The following PIK3R4 variants were observed in gnomAD, a reference collection of about 807,000 sequenced individuals.
PIK3R4 encodes the protein phosphoinositide-3-kinase regulatory subunit 4.
A neutral mutation model predicts 136.5 loss-of-function variants in PIK3R4; 46 were observed. That is an observed-to-expected ratio of 0.34 (90% CI 0.27 to 0.43). The LOEUF is 0.43. Ranked by LOEUF, PIK3R4 falls within the 20% of genes least tolerant of loss-of-function variation. PIK3R4 has a pLI of 1.00. For missense variants in PIK3R4, 1,331 were observed against 1,649.5 expected (o/e 0.81, Z 3.35); for synonymous variants, 557 against 566.7 (o/e 0.98, Z 0.24).
intron 16 of PIK3R4, among the ~76,000 whole-genome samples, chr3:130,682,728 T>C (rs1182526364): frequency 6.6e-6 from 1 of 152,180 alleles, no homozygotes; most frequent in Non-Finnish European, 1.5e-5. Flanking sequence ...TCTTTTTTAA[T>C]ACCCCCTACA....
intron 6 of PIK3R4, among the ~76,000 whole-genome samples, chr3:130,727,610 G>C (rs1421975274): frequency 6.6e-6 from 1 of 152,120 alleles, no homozygotes; most frequent in African/African-American, 2.4e-5. Flanking sequence ...TAAACTTTTC[G>C]GGTTAACAGA....
Position 130,735,886 on chromosome 3 carries a change from G to A in PIK3R4, c.850C>T (p.His284Tyr), listed in dbSNP as rs576741357. 10 of 1,611,230 alleles carry A rather than the reference G, an allele frequency of 6.2e-6. No homozygotes were observed. The South Asian group carries it at 1.1e-4, about 18-fold the overall frequency. ...PEQVLNKIED[H>Y]SIRELVTQMI... ...ATAGTTACCAATTCTCTGATACTGTGATCTTCAATTTTATTTAGCACTTGT... is the reference window on the plus strand; with the variant it reads ...ATAGTTACCAATTCTCTGATACTGTAATCTTCAATTTTATTTAGCACTTGT... Residue 284 changes from histidine (H) to tyrosine (Y), a missense_variant, in exon 3 of 20, where the codon CAC becomes TAC. By Grantham distance (83) the His-to-Tyr change is moderately conservative (BLOSUM62 2). Coordinates refer to ENST00000356763, the MANE Select transcript of PIK3R4 (RefSeq NM_014602.3).
intron 19 of PIK3R4, among the ~76,000 whole-genome samples, chr3:130,679,739 T>A: frequency 6.6e-6 from 1 of 152,170 alleles, no homozygotes; most frequent in East Asian, 1.9e-4. Context: ...TCTGTGCATA[T>A]TAACTTTTGC....
At chr3:130,711,527 G>A (rs2066632364) in intron 9 of PIK3R4, among the ~76,000 whole-genome samples, 1 of 152,182 alleles carries the variant, frequency 6.6e-6, no homozygotes, top group Non-Finnish European at 1.5e-5. Context: ...GGCTGAATAT[G>A]AAACTATGTA....
Position 130,730,297 on chromosome 3 carries a change from AAT to A in PIK3R4, c.1585+9_1585+10del. On this transcript the variant is annotated intron_variant, in intron 5 of 19. Coordinates refer to ENST00000356763, the MANE Select transcript of PIK3R4 (RefSeq NM_014602.3). ...AAATAACAGGAAATCTGGAAGAGAA[AAT>A]TATACAACCTGTGTCATAATTTCCA... 6.3e-7 allele frequency: 1 copy of A among 1,578,624 alleles called. No individual in the cohort carries two copies. The highest frequency in any genetic ancestry group is 8.6e-7 in the Non-Finnish European group (1 of 1,165,120).
intron 9 of PIK3R4, among the ~76,000 whole-genome samples, chr3:130,709,604 G>T (rs1304142037): frequency 1.3e-5 from 2 of 152,038 alleles, no homozygotes; most frequent in East Asian, 3.8e-4. Context: ...GCTTTAAATA[G>T]ACAATAGCTA....
intron 14 of PIK3R4, among the ~76,000 whole-genome samples, chr3:130,689,660 C>T (rs1189862202): frequency 6.6e-6 from 1 of 152,220 alleles, no homozygotes; most frequent in African/African-American, 2.4e-5. Flanking sequence ...GGGTCCACCA[C>T]CTCCACCTGG....
intron 13 of PIK3R4, among the ~76,000 whole-genome samples, chr3:130,700,103 T>C (rs1483460049): frequency 6.6e-6 from 1 of 152,220 alleles, no homozygotes; most frequent in Non-Finnish European, 1.5e-5. Flanking sequence ...TTAACTTAAA[T>C]GGTTTCTTCT....
Position 130,733,821 on chromosome 3 carries a change from C to T in PIK3R4, c.1177G>A (p.Asp393Asn), listed in dbSNP as rs34633532. 10 of 1,614,128 alleles carry T rather than the reference C, an allele frequency of 6.2e-6. No homozygotes were observed. The highest frequency in any genetic ancestry group is 8.5e-6 in the Non-Finnish European group (10 of 1,180,000). Residue 393 changes from aspartate to asparagine, a missense_variant, in exon 4 of 20, where the codon GAT becomes AAT. Coordinates refer to ENST00000356763, the MANE Select transcript of PIK3R4 (RefSeq NM_014602.3). ...AGTTCCAAAGCAGCTAGTTTGGAAT[C>T]ACAGTATTTAAGGGTCTGTAGGCAG... ...TSCLQTLKYCDSKLAALELIL... is the reference protein window; with the variant it reads ...TSCLQTLKYCNSKLAALELIL...
chr3:130,707,079 C>G lies in PIK3R4; in HGVS notation c.2590G>C (p.Gly864Arg), dbSNP rs1351460583. Residue 864 changes from glycine to arginine, a missense_variant, in exon 11 of 20, where the codon GGG (glycine) becomes CGG (arginine). Gly to Arg is a moderately radical substitution (Grantham distance 125). Around this residue, in one of 2 missense-constraint regions of PIK3R4, gnomAD observed 1,180 missense variants for 1,407.0 expected, o/e 0.84. Coordinates refer to ENST00000356763, the MANE Select transcript of PIK3R4 (RefSeq NM_014602.3). ...NVNEEWKSMF[G>R]SLDPPNMPQA... ...GGCATGTTTGGTGGGTCCAGTGACC[C>G]AAACATGCTTTTCCATTCTTCATTT... The G allele has an allele frequency of 1.9e-6, 3 of 1,609,930 alleles. No homozygotes were observed. The highest frequency in any genetic ancestry group is 2.5e-6 in the Non-Finnish European group (3 of 1,178,386).
At position 130,718,539 on chromosome 3, in the gene PIK3R4, A is replaced by G. The variant is rs560634105; in HGVS notation, c.1982-5T>C. ...TGGGATGACACAGGAAGGGGGCTAAAGAGGAAAAGAAAAGGTAGGGATCAA... is the reference window on the plus strand; with the variant it reads ...TGGGATGACACAGGAAGGGGGCTAAGGAGGAAAAGAAAAGGTAGGGATCAA... On this transcript the variant is annotated splice_polypyrimidine_tract_variant and splice_region_variant and intron_variant, in intron 7 of 19. Transcript: ENST00000356763. The G allele has an allele frequency of 6.2e-7, 1 of 1,613,804 alleles. No individual in the cohort carries two copies. The highest frequency in any genetic ancestry group is 1.3e-5 in the African/African-American group (1 of 75,036).
Position 130,690,438 on chromosome 3 carries a change from G to GTCT in PIK3R4, c.3263+51_3263+52insAGA, listed in dbSNP as rs1208190742. Reference sequence around the variant, plus strand: ...ATTGCAGGGTAGAAAGGAGACTTAAGGTACTGTAGTGCACTAAATACAATG... The same window carrying GTCT: ...ATTGCAGGGTAGAAAGGAGACTTAAGTCTGTACTGTAGTGCACTAAATACAATG... On this transcript the variant is annotated intron_variant, in intron 14 of 19. Transcript: ENST00000356763. 9 of 1,266,106 alleles carry GTCT rather than the reference G, an allele frequency of 7.1e-6. No individual in the cohort carries two copies. In the Admixed American group the frequency reaches 2.0e-4, roughly 28 times the overall value. The allele number at this position is 1,266,106 out of a possible 1,614,324, so 78.4% of individuals were successfully genotyped here. A position where few individuals can be genotyped will look rare whatever the true frequency, so the allele number is the denominator to read the frequency against.
At position 130,728,616 on chromosome 3, in the gene PIK3R4, C is replaced by G; in HGVS notation, c.1654G>C (p.Val552Leu). The G allele has an allele frequency of 6.5e-7, 1 of 1,549,428 alleles. No individual in the cohort carries two copies. The highest frequency in any genetic ancestry group is 8.7e-7 in the Non-Finnish European group (1 of 1,144,644). ...CCATTTTCCATCAAGGTTTGTTTTA[C>G]AATATTTTCAGGGTCACTTAGCAAA... Reference protein sequence around the residue: ...VTLLSDPENIVKQTLMENGIT... With the variant: ...VTLLSDPENILKQTLMENGIT... Residue 552 changes from valine (V) to leucine (L), a missense_variant, in exon 6 of 20, where the codon GTA becomes CTA. By Grantham distance (32) the Val-to-Leu change is conservative (BLOSUM62 1). Transcript: ENST00000356763.
At chr3:130,686,638 T>C (rs1401368523) in intron 14 of PIK3R4, among the ~76,000 whole-genome samples, 1 of 152,166 alleles carries the variant, frequency 6.6e-6, no homozygotes, top group African/African-American at 2.4e-5. Context: ...AGCTTCCCCT[T>C]AGGTAAACAA....
chr3:130,731,725 T>C (rs1227353671), intron 4 of PIK3R4, among the ~76,000 whole-genome samples: 1 of 152,240 alleles, frequency 6.6e-6, no homozygotes, highest in Non-Finnish European at 1.5e-5. Flanking sequence ...TCTATGATAT[T>C]TAAAAAATAC....
chr3:130,679,292 A>AAAT lies in PIK3R4; in HGVS notation c.*20_*22dup. The AAAT allele has an allele frequency of 6.9e-7, 1 of 1,446,832 alleles. No homozygotes were observed. Among genetic ancestry groups the AAAT allele is most frequent in the Non-Finnish European group, 9.3e-7 (1 of 1,069,766 alleles). 89.6% of individuals were successfully genotyped at this position (1,446,832 alleles called of 1,614,324 possible). The stretch of plus-strand genomic sequence containing the variant: ...TATAGTATTATATTTATAACTATTA[A>AAAT]AATTTATACAAATCAGTAGGTTTTA... On this transcript the variant is annotated 3_prime_UTR_variant, in exon 20 of 20. Transcript: ENST00000356763.
intron 10 of PIK3R4, among the ~76,000 whole-genome samples, chr3:130,707,525 C>T (rs887093807): frequency 5.9e-5 from 9 of 152,114 alleles, no homozygotes; most frequent in African/African-American, 2.2e-4. Flanking sequence ...TCATATCCTT[C>T]AATCTTTCTT....
chr3:130,741,348 G>C (rs1559832065), intron 2 of PIK3R4, among the ~76,000 whole-genome samples: 1 of 152,224 alleles, frequency 6.6e-6, no homozygotes, highest in Non-Finnish European at 1.5e-5. Flanking sequence ...AACCCTGTTA[G>C]CTTGATCTTG....
At chr3:130,736,031 G>C (rs750042194) in intron 2 of PIK3R4, 29 bp from the exon 3 acceptor site, 1 of 1,562,984 alleles carries the variant, frequency 6.4e-7, no homozygotes, top group South Asian at 1.2e-5. Flanking sequence ...AATTCTGTTA[G>C]AAAAGAGATA....
Sources: allele counts gnomAD v4.1 joint callset (sites outside exome capture counted in the v4.1 genomes callset), GRCh38; gene constraint gnomAD v4.1.1; regional missense constraint gnomAD v4.1.1; transcripts MANE v1.5; gene names NCBI Gene and HGNC (gene_info 2026-07-23, HGNC 2026-07-21).